Variants in TRPC5 observed in about 807,000 individuals in gnomAD.
TRPC5 encodes short transient receptor potential channel 5.
A neutral mutation model predicts 56.5 loss-of-function variants in TRPC5; 9 were observed. That is an observed-to-expected ratio of 0.16 (90% CI 0.10 to 0.28). The LOEUF (loss-of-function observed/expected upper bound fraction) is 0.28. Among genes scored for constraint, TRPC5 ranks in the 10% least tolerant of loss-of-function variants. The pLI is 1.00. For missense variants in TRPC5, 469 were observed against 748.9 expected, an observed-to-expected ratio of 0.63 and a Z score of 4.36; for synonymous variants, 282 against 278.5, an observed-to-expected ratio of 1.01 and a Z score of -0.13.
chrX:111,971,157 C>G (rs148456974), intron 1 of TRPC5, among the ~76,000 whole-genome samples: 8,838 of 110,946 alleles, frequency 0.08, 348 homozygotes, highest in Non-Finnish European at 0.12. Context: ...TCGATGTCAG[C>G]CCTAACATCA....
intron 7 of TRPC5, among the ~76,000 whole-genome samples, chrX:111,817,780 C>T (rs112395264): frequency 2.0e-4 from 22 of 111,440 alleles, no homozygotes; most frequent in Non-Finnish European, 1.5e-4. Flanking sequence ...GATCCAGAAT[C>T]GAAGTCTTCT....
At chrX:111,805,577 A>G (rs920126528) in intron 7 of TRPC5, among the ~76,000 whole-genome samples, 1 of 111,939 alleles carries the variant, frequency 8.9e-6, no homozygotes, top group African/African-American at 3.2e-5. Context: ...GAGACAGAAA[A>G]TAAGTAAGTG....
At chrX:111,815,015 T>C (rs1921816610) in intron 7 of TRPC5, among the ~76,000 whole-genome samples, 2 of 111,430 alleles carry the variant, frequency 1.8e-5, no homozygotes, top group Non-Finnish European at 3.8e-5. Flanking sequence ...TCCCAGCTAT[T>C]TGCAGGTGAG....
At chrX:111,877,587 T>C (rs1432657065) in intron 3 of TRPC5, among the ~76,000 whole-genome samples, 1 of 111,124 alleles carries the variant, frequency 9.0e-6, no homozygotes, top group East Asian at 2.8e-4. Flanking sequence ...AGAGTCAGAG[T>C]CAGAGGCACA....
chrX:111,960,409 T>C (rs1004388468), intron 1 of TRPC5, among the ~76,000 whole-genome samples: 2 of 112,370 alleles, frequency 1.8e-5, no homozygotes, highest in Non-Finnish European at 3.8e-5. Context: ...ATCAATATAT[T>C]TTATTTTCAC....
intron 7 of TRPC5, among the ~76,000 whole-genome samples, chrX:111,807,112 C>CT (rs1352418530): frequency 6.3e-5 from 7 of 111,290 alleles, no homozygotes; most frequent in Non-Finnish European, 1.9e-5. Context: ...TAATATATTT[C>CT]TATAGGTTTG....
intron 7 of TRPC5, among the ~76,000 whole-genome samples, chrX:111,825,146 C>CCTTCCTTCCTTCCTTCCTTCCTTCCTTT (rs1922158948): frequency 1.7e-5 from 1 of 59,385 alleles, no homozygotes; most frequent in African/African-American, 5.3e-5. Context: ...TTCCTTCCTT[C>CCTTCCTTCCTTCCTTCCTTCCTTCCTTT]CTTTCTTTCT....
At chrX:111,965,604 T>C (rs1230911405) in intron 1 of TRPC5, among the ~76,000 whole-genome samples, 6 of 111,415 alleles carry the variant, frequency 5.4e-5, no homozygotes, top group East Asian at 2.8e-4. Context: ...TGTAAAAGAA[T>C]AGAAATTATA....
intron 1 of TRPC5, among the ~76,000 whole-genome samples, chrX:111,999,207 T>C (rs1210887096): frequency 9.0e-6 from 1 of 111,368 alleles, no homozygotes; most frequent in Non-Finnish European, 1.9e-5. Context: ...CTATAAGTTA[T>C]TATTCCTTCT....
rs1398896887 is a variant in TRPC5 at position 111,965,926 on chromosome X, A to G, written c.-21-13485T>C. 6.3e-5 allele frequency among the ~76,000 whole-genome samples: 7 copies of G among 111,789 alleles called. 1 individual carries two copies. Among genetic ancestry groups the G allele is most frequent in the Middle Eastern group, 8.4e-3 (2 of 238 alleles). On this transcript the variant is annotated intron_variant, in intron 1 of 10. Transcript: ENST00000262839. Reference sequence around the variant, plus strand: ...CACAATTAAAAGAACTAGAAAAGCAAGCAAGAGCAAACACATTCAAAAGCT... The same window carrying G: ...CACAATTAAAAGAACTAGAAAAGCAGGCAAGAGCAAACACATTCAAAAGCT...
chrX:111,943,565 T>C (rs1246476261), intron 2 of TRPC5, among the ~76,000 whole-genome samples: 2 of 112,000 alleles, frequency 1.8e-5, no homozygotes, highest in Non-Finnish European at 3.8e-5. Flanking sequence ...GACAAATGAG[T>C]AATTATGGAA....
Position 111,774,018 on chromosome X carries a change from G to A in TRPC5, c.*2295C>T, listed in dbSNP as rs993271849. On this transcript the variant is annotated 3_prime_UTR_variant, in exon 11 of 11. Coordinates refer to ENST00000262839, the MANE Select transcript of TRPC5 (RefSeq NM_012471.3). ...CCTAAATGAGGCTTCACTATAGCTA[G>A]TAAAGTCTTAAGCCCAAGTCACAAC... 8.9e-6 allele frequency among the ~76,000 whole-genome samples: 1 copy of A among 111,767 alleles called. No individual in the cohort carries two copies. Among genetic ancestry groups the A allele is most frequent in the African/African-American group, 3.3e-5 (1 of 30,757 alleles).
intron 7 of TRPC5, among the ~76,000 whole-genome samples, chrX:111,822,360 TTAAGG>T (rs886868250): frequency 1.5e-4 from 17 of 112,034 alleles, no homozygotes; most frequent in African/African-American, 5.2e-4. Context: ...AGGACAAATC[TTAAGG>T]TAAGGAATTT....
intron 1 of TRPC5, among the ~76,000 whole-genome samples, chrX:112,079,024 C>G (rs927918750): frequency 6.2e-5 from 7 of 112,007 alleles, no homozygotes; most frequent in African/African-American, 2.3e-4. Context: ...TGTCTATAGG[C>G]TGCAAACTTT....
chrX:111,904,166 T>G (rs1925499350), intron 3 of TRPC5, among the ~76,000 whole-genome samples: 1 of 112,165 alleles, frequency 8.9e-6, no homozygotes, highest in African/African-American at 3.2e-5. Flanking sequence ...AACATAGTCC[T>G]TTCTCATTTG....
At chrX:111,807,956 C>CTGTG (rs60688414) in intron 7 of TRPC5, among the ~76,000 whole-genome samples, 1,735 of 91,864 alleles carry the variant, frequency 0.019, 28 homozygotes, top group African/African-American at 0.054. Context: ...CTCTCTCTCT[C>CTGTG]TGTGTGTGTG....
chrX:111,791,226 A>G (rs1051602946), intron 7 of TRPC5, among the ~76,000 whole-genome samples: 1 of 109,257 alleles, frequency 9.2e-6, no homozygotes, highest in Admixed American at 9.9e-5. Flanking sequence ...TCTACCATTG[A>G]AGAGGTATTT....
rs755680239 is a variant in TRPC5 at position 111,794,904 on chromosome X, C to T, written c.1897-12766G>A. On this transcript the variant is annotated intron_variant, in intron 7 of 10. Transcript: ENST00000262839. ...GAACTTGGGGGAGGGGGACACAAAA[C>T]ATTCAGATAATAGCCAGAACTATAT... Among the ~76,000 whole-genome samples the T allele has an allele frequency of 2.7e-5, 3 of 111,591 alleles. No individual in the cohort carries two copies. In the South Asian group the frequency reaches 1.1e-3, roughly 43 times the overall value.
intron 1 of TRPC5, among the ~76,000 whole-genome samples, chrX:112,019,629 A>G (rs1019218621): frequency 6.0e-4 from 67 of 110,758 alleles, no homozygotes; most frequent in Non-Finnish European, 1.0e-3. Flanking sequence ...TAGAGATGGG[A>G]TTTCACCGTG....
Sources: allele counts gnomAD v4.1 joint callset (sites outside exome capture counted in the v4.1 genomes callset), GRCh38; gene constraint gnomAD v4.1.1; transcripts MANE v1.5; gene names NCBI Gene and HGNC (gene_info 2026-07-23, HGNC 2026-07-21).